MAMDC2: variants seen among roughly 807,000 people sequenced by gnomAD.
The protein encoded by MAMDC2 is MAM domain containing 2.
In MAMDC2, 57 loss-of-function variants were observed where a neutral mutation model predicts 89.8. The ratio of observed to expected loss-of-function variants is 0.63; its 90% CI spans 0.51 to 0.79. The LOEUF (loss-of-function observed/expected upper bound fraction) is 0.79, where lower values mean the gene tolerates loss of function less well. MAMDC2 is among the 30% of genes least tolerant of loss of function. MAMDC2 has a pLI of 0.00. For missense variants in MAMDC2, 800 were observed against 820.6 expected, an observed-to-expected ratio of 0.97 and a Z score of 0.31; for synonymous variants, 313 against 293.4, an observed-to-expected ratio of 1.07 and a Z score of -0.68.
intron 11 of MAMDC2, among the ~76,000 whole-genome samples, chr9:70,183,695 C>T (rs1459686174): frequency 1.3e-5 from 2 of 151,734 alleles, no homozygotes; most frequent in Non-Finnish European, 2.9e-5. Context: ...TTTGCATTTG[C>T]TTGGTAAATA....
At chr9:70,050,507 A>C (rs546429762) in intron 2 of MAMDC2, among the ~76,000 whole-genome samples, 4 of 152,210 alleles carry the variant, frequency 2.6e-5, no homozygotes, top group African/African-American at 4.8e-5. Context: ...TCTATGTCTC[A>C]GTTTCCTTGG....
intron 11 of MAMDC2, among the ~76,000 whole-genome samples, chr9:70,207,782 T>G (rs954822727): frequency 6.6e-6 from 1 of 152,248 alleles, no homozygotes; most frequent in Non-Finnish European, 1.5e-5. Context: ...ATTTAAGTTT[T>G]TAATCCATCT....
intron 11 of MAMDC2, among the ~76,000 whole-genome samples, chr9:70,191,555 A>G (rs2032880845): frequency 6.6e-6 from 1 of 151,948 alleles, no homozygotes; most frequent in African/African-American, 2.4e-5. Context: ...TGTCAGTGAA[A>G]AATTATAGAA....
At chr9:70,140,330 C>A in intron 8 of MAMDC2, 42 bp downstream of exon 8, 1 of 1,534,804 alleles carries the variant, frequency 6.5e-7, no homozygotes, top group South Asian at 1.3e-5. Flanking sequence ...CTTGGGTAGT[C>A]GTGAGCTTTA....
chr9:70,219,659 G>T (rs957016933), intron 12 of MAMDC2, among the ~76,000 whole-genome samples: 1 of 152,224 alleles, frequency 6.6e-6, no homozygotes, highest in African/African-American at 2.4e-5. Flanking sequence ...CAGGGAAGAT[G>T]AGCCATTATC....
At chr9:70,223,130 C>G (rs1564005747) in intron 12 of MAMDC2, among the ~76,000 whole-genome samples, 1 of 54,742 alleles carries the variant, frequency 1.8e-5, no homozygotes, top group Non-Finnish European at 3.5e-5. Flanking sequence ...AAGACTCTGT[C>G]TCAAAAAAAA....
intron 9 of MAMDC2, among the ~76,000 whole-genome samples, chr9:70,145,833 T>A (rs2031386270): frequency 6.6e-6 from 1 of 152,208 alleles, no homozygotes; most frequent in South Asian, 2.1e-4. Context: ...GAGGCTCAGA[T>A]CCTACCCTTG....
intron 2 of MAMDC2, among the ~76,000 whole-genome samples, chr9:70,101,729 C>G (rs938923650): frequency 6.6e-6 from 1 of 152,136 alleles, no homozygotes; most frequent in Non-Finnish European, 1.5e-5. Context: ...CTCTATAATA[C>G]CTGCATAATG....
intron 11 of MAMDC2, among the ~76,000 whole-genome samples, chr9:70,198,552 C>T (rs2033024792): frequency 6.6e-6 from 1 of 152,038 alleles, no homozygotes; most frequent in African/African-American, 2.4e-5. Flanking sequence ...ACTATTTTCT[C>T]CCACTGACTC....
At chr9:70,126,474 C>A in intron 6 of MAMDC2, 59 bp downstream of exon 6, 1 of 1,548,528 alleles carries the variant, frequency 6.5e-7, no homozygotes, top group African/African-American at 1.3e-5. Context: ...GCCACCCACA[C>A]ACAGGGCTGG....
intron 9 of MAMDC2, among the ~76,000 whole-genome samples, chr9:70,144,683 G>T (rs1311597359): frequency 1.3e-5 from 2 of 152,172 alleles, no homozygotes; most frequent in Non-Finnish European, 2.9e-5. Flanking sequence ...GTTGAATGAA[G>T]GAAGGAAGGA....
chr9:70,211,700 T>G (rs2033357298), intron 11 of MAMDC2, among the ~76,000 whole-genome samples: 2 of 152,210 alleles, frequency 1.3e-5, no homozygotes, highest in South Asian at 4.1e-4. Flanking sequence ...ATAGAAGAGG[T>G]GCTCTGATTT....
At chr9:70,111,215 C>T (rs1192784752) in intron 4 of MAMDC2, among the ~76,000 whole-genome samples, 1 of 152,122 alleles carries the variant, frequency 6.6e-6, no homozygotes, top group East Asian at 1.9e-4. Flanking sequence ...CTCTTGGCAT[C>T]CGTAAAATGG....
intron 2 of MAMDC2, among the ~76,000 whole-genome samples, chr9:70,069,038 G>T (rs541879335): frequency 6.6e-6 from 1 of 152,308 alleles, no homozygotes; most frequent in South Asian, 2.1e-4. Context: ...CAGTGTGGAA[G>T]AATTTGCTAT....
intron 3 of MAMDC2, chr9:70,109,211 C>T (rs1028455760): frequency 1.3e-5 from 2 of 153,440 alleles, no homozygotes; most frequent in Non-Finnish European, 2.9e-5. Context: ...CCAATACCCA[C>T]TGTCTGCTTG....
chr9:70,110,287 TAAAG>T (rs1278648765), intron 4 of MAMDC2, among the ~76,000 whole-genome samples: 1 of 152,158 alleles, frequency 6.6e-6, no homozygotes, highest in Non-Finnish European at 1.5e-5. Flanking sequence ...CAAGAGGGCA[TAAAG>T]AAAGGATAAA....
intron 11 of MAMDC2, among the ~76,000 whole-genome samples, chr9:70,191,133 G>A (rs1474364549): frequency 1.3e-5 from 2 of 152,094 alleles, no homozygotes; most frequent in African/African-American, 4.8e-5. Context: ...GTTCAGTCAA[G>A]CAAAGAGTGC....
At chr9:70,114,350 C>T (rs530316404) in intron 5 of MAMDC2, among the ~76,000 whole-genome samples, 56 of 149,838 alleles carry the variant, frequency 3.7e-4, no homozygotes, top group African/African-American at 1.2e-3. Flanking sequence ...AATGTAAGCC[C>T]GGGTTGCCAG....
At chr9:70,064,529 T>C (rs542769406) in intron 2 of MAMDC2, among the ~76,000 whole-genome samples, 82 of 152,322 alleles carry the variant, frequency 5.4e-4, no homozygotes, top group Non-Finnish European at 1.1e-3. Flanking sequence ...TTGTGTAATT[T>C]CTGAAACTGC....
Sources: allele counts gnomAD v4.1 joint callset (sites outside exome capture counted in the v4.1 genomes callset), GRCh38; gene constraint gnomAD v4.1.1; transcripts MANE v1.5; gene names NCBI Gene and HGNC (gene_info 2026-07-23, HGNC 2026-07-21).